The following APP variants were observed in gnomAD, a reference collection of about 807,000 sequenced individuals.
APP encodes amyloid beta precursor protein.
A neutral mutation model predicts 101.4 loss-of-function variants in APP; 31 were observed. That is an observed-to-expected ratio of 0.31 (90% confidence interval 0.23 to 0.41). APP has a LOEUF of 0.41. Ranked by LOEUF, APP falls within the 10% of genes least tolerant of loss-of-function variation. The probability of loss-of-function intolerance (pLI) is 1.00; values close to 1 mark genes in which losing one functional copy is unlikely to be tolerated. For missense variants in APP, 839 were observed against 1,003.7 expected (o/e 0.84, Z 2.22); for synonymous variants, 366 against 364.4 (o/e 1.00, Z -0.05).
chr21:26,079,617 T>A (rs1255543789), intron 3 of APP, among the ~76,000 whole-genome samples: 1 of 152,224 alleles, frequency 6.6e-6, no homozygotes, highest in Non-Finnish European at 1.5e-5. Flanking sequence ...ATGGCATTTT[T>A]AAACTATGAC....
In APP at chr21:26,108,777, G is replaced by A. The variant is rs534420430; in HGVS notation, c.225+3202C>T. On this transcript the variant is annotated intron_variant, in intron 2 of 17. Transcript: ENST00000346798. ...CAGGCGCCTATAATCCCAGCTACTC[G>A]GGAGGCTGAGGCAGGAGAATCATTT... Among the ~76,000 whole-genome samples, 203 of 152,096 alleles carry A rather than the reference G, an allele frequency of 1.3e-3. 1 individual carries two copies. Among genetic ancestry groups the A allele is most frequent in the African/African-American group, 4.5e-3 (186 of 41,512 alleles).
intron 1 of APP, among the ~76,000 whole-genome samples, chr21:26,158,486 C>A (rs993466006): frequency 6.6e-6 from 1 of 152,160 alleles, no homozygotes; most frequent in Non-Finnish European, 1.5e-5. Context: ...TAATAGAGCA[C>A]ATTTACATGC....
At chr21:26,136,177 GAAA>G (rs760736055) in intron 1 of APP, among the ~76,000 whole-genome samples, 24 of 90,632 alleles carry the variant, frequency 2.6e-4, no homozygotes, top group African/African-American at 1.1e-3. Context: ...AGAAAAGAAA[GAAA>G]GAAAGAAAGA....
chr21:25,953,437 C>T lies in APP; in HGVS notation c.1687+1153G>A, dbSNP rs148729961. Among the ~76,000 whole-genome samples the T allele has an allele frequency of 2.7e-3, 417 of 152,286 alleles. 4 individuals carry two copies. The highest frequency in any genetic ancestry group is 0.018 in the Admixed American group (268 of 15,292). On this transcript the variant is annotated intron_variant, in intron 13 of 17. Transcript: ENST00000346798. ...AGTGAGGGCCAGCTGTTCCCTTGAG[C>T]GGTGTTTCAGGCACTTCAAAGTCGG...
chr21:25,993,525 A>G (rs1042942441), intron 8 of APP, among the ~76,000 whole-genome samples: 3 of 152,222 alleles, frequency 2.0e-5, no homozygotes, highest in Non-Finnish European at 4.4e-5. Context: ...CGAGACCTTC[A>G]ATACTATAGT....
At chr21:26,103,192 T>A (rs914589976) in intron 2 of APP, among the ~76,000 whole-genome samples, 1 of 152,234 alleles carries the variant, frequency 6.6e-6, no homozygotes, top group African/African-American at 2.4e-5. Flanking sequence ...TACTATGGAT[T>A]TATGACTTTA....
At chr21:25,924,411 C>CAAAAAAAAAAAAAAAAA (rs551284093) in intron 13 of APP, among the ~76,000 whole-genome samples, 37 of 56,834 alleles carry the variant, frequency 6.5e-4, no homozygotes, top group Middle Eastern at 0.031. Context: ...TTTGCAAATA[C>CAAAAAAAAAAAAAAAAA]AAAAAAAAAA....
chr21:26,087,064 C>T (rs185666628), intron 3 of APP, among the ~76,000 whole-genome samples: 1 of 152,258 alleles, frequency 6.6e-6, no homozygotes, highest in Admixed American at 6.5e-5. Flanking sequence ...CTATGTTACA[C>T]CTATTGGAAA....
intron 3 of APP, among the ~76,000 whole-genome samples, chr21:26,080,041 T>C (rs2061564994): frequency 6.6e-6 from 1 of 151,952 alleles, no homozygotes; most frequent in South Asian, 2.1e-4. Flanking sequence ...GGAGAATCAC[T>C]TGAACCCGGG....
At chr21:25,897,444 G>T (rs904751167) in intron 16 of APP, 129 bp downstream of exon 16, 1 of 806,304 alleles carries the variant, frequency 1.2e-6, no homozygotes, top group Non-Finnish European at 2.1e-6. Flanking sequence ...TGTTTTCATG[G>T]TAATCCTATA....
intron 11 of APP, among the ~76,000 whole-genome samples, chr21:25,968,177 G>A (rs905942303): frequency 1.3e-5 from 2 of 152,104 alleles, no homozygotes; most frequent in South Asian, 2.1e-4. Flanking sequence ...TTGGAACAGC[G>A]TCTTGCTTTG....
intron 2 of APP, among the ~76,000 whole-genome samples, chr21:26,105,449 T>C (rs1418064353): frequency 6.6e-6 from 1 of 152,086 alleles, no homozygotes; most frequent in Admixed American, 6.6e-5. Flanking sequence ...CGTGGTAACA[T>C]TGTGAGAGTA....
intron 1 of APP, among the ~76,000 whole-genome samples, chr21:26,117,173 T>C (rs1220856702): frequency 2.0e-5 from 3 of 152,222 alleles, no homozygotes; most frequent in African/African-American, 7.2e-5. Context: ...CATGAGCCAC[T>C]GTGCCCAGCT....
chr21:26,115,034 T>C (rs2062405625), intron 1 of APP, among the ~76,000 whole-genome samples: 1 of 152,200 alleles, frequency 6.6e-6, no homozygotes, highest in African/African-American at 2.4e-5. Flanking sequence ...AATGAGAGTT[T>C]AGACTAGAAA....
chr21:25,896,959 A>AT (rs532764171), intron 16 of APP, among the ~76,000 whole-genome samples: 372 of 152,326 alleles, frequency 2.4e-3, no homozygotes, highest in African/African-American at 8.2e-3. Flanking sequence ...CAAGCAGTGT[A>AT]TGCATGTGTT....
chr21:25,975,028 T>A, intron 11 of APP, 42 bp downstream of exon 11: 1 of 1,613,032 alleles, frequency 6.2e-7, no homozygotes, highest in East Asian at 2.2e-5. Context: ...TTACTGTCTG[T>A]GCTGTGACCT....
Position 25,891,282 on chromosome 21 carries a change from T to C in APP, c.2211+440A>G, listed in dbSNP as rs914677944. 4.6e-5 allele frequency among the ~76,000 whole-genome samples: 7 copies of C among 152,252 alleles called. 1 individual carries two copies. The highest frequency in any genetic ancestry group is 4.8e-5 in the African/African-American group (2 of 41,510). ...CATTATTTACTATTACCTGGTTGTA[T>C]TGAGAGGCCAGACTATTTAAGACAA... On this transcript the variant is annotated intron_variant, in intron 17 of 17. Transcript: ENST00000346798.
At chr21:26,085,590 A>C (rs1209438350) in intron 3 of APP, among the ~76,000 whole-genome samples, 1 of 152,174 alleles carries the variant, frequency 6.6e-6, no homozygotes, top group African/African-American at 2.4e-5. Context: ...CCATCTTTAA[A>C]GTTTGGTGAA....
intron 1 of APP, among the ~76,000 whole-genome samples, chr21:26,115,920 G>A (rs2062425463): frequency 6.6e-6 from 1 of 152,150 alleles, no homozygotes; most frequent in Non-Finnish European, 1.5e-5. Context: ...TTCTATTTAT[G>A]TCTTAACACT....
Sources: allele counts gnomAD v4.1 joint callset (sites outside exome capture counted in the v4.1 genomes callset), GRCh38; gene constraint gnomAD v4.1.1; transcripts MANE v1.5; gene names NCBI Gene and HGNC (gene_info 2026-07-23, HGNC 2026-07-21).